The following KIRREL3 variants were observed in gnomAD, a reference collection of about 807,000 sequenced individuals.
KIRREL3 encodes the protein kin of IRRE-like protein 3.
A neutral mutation model predicts 89.7 loss-of-function variants in KIRREL3; 36 were observed. The ratio of observed to expected loss-of-function variants is 0.40; its 90% CI spans 0.31 to 0.53. The LOEUF (loss-of-function observed/expected upper bound fraction) is 0.53, where lower values mean the gene tolerates loss of function less well. KIRREL3 is among the 20% of genes least tolerant of loss of function. KIRREL3 has a pLI of 0.49. For missense variants in KIRREL3, 864 were observed against 1,056.6 expected (o/e 0.82, Z 2.53); for synonymous variants, 445 against 441.4 (o/e 1.01, Z -0.10).
rs908066239 is a variant in KIRREL3 at position 126,723,158 on chromosome 11, G to A, written c.56-160246C>T. Among the ~76,000 whole-genome samples, 10 of 152,086 alleles carry A rather than the reference G, an allele frequency of 6.6e-5. No homozygotes were observed. Among genetic ancestry groups the A allele is most frequent in the Non-Finnish European group, 1.2e-4 (8 of 68,028 alleles). On this transcript the variant is annotated intron_variant, in intron 1 of 16. Coordinates refer to ENST00000525144, the MANE Select transcript of KIRREL3 (RefSeq NM_032531.4). This position sits in a 1 kb window ranked among gnomAD's most constrained non-coding sequence, Gnocchi z 4.0. ...TGTGGTTTGTTCGTCTCCGTCCCAG[G>A]CATCTATCTCAGAGCCTGCAGCCCT...
At chr11:126,458,378 G>A (rs1370335808) in intron 6 of KIRREL3, among the ~76,000 whole-genome samples, 1 of 152,110 alleles carries the variant, frequency 6.6e-6, no homozygotes, top group Non-Finnish European at 1.5e-5. Flanking sequence ...GCTCTGGTTG[G>A]GACTACGGTG....
chr11:126,819,243 A>G (rs915482311), intron 1 of KIRREL3, among the ~76,000 whole-genome samples: 2 of 152,138 alleles, frequency 1.3e-5, no homozygotes, highest in East Asian at 3.9e-4. Flanking sequence ...CCCTGAGAGC[A>G]TCTCGCAGGA....
At position 126,993,387 on chromosome 11, in the gene KIRREL3, T is replaced by G. The variant is rs1051852307; in HGVS notation, c.55+7068A>C. Among the ~76,000 whole-genome samples the G allele has an allele frequency of 1.3e-5, 2 of 152,218 alleles. No individual in the cohort carries two copies. Among genetic ancestry groups the G allele is most frequent in the African/African-American group, 4.8e-5 (2 of 41,450 alleles). On this transcript the variant is annotated intron_variant, in intron 1 of 16. Transcript: ENST00000525144. The surrounding 1 kb of genome is among the most constrained non-coding windows in gnomAD (Gnocchi z 6.1). ...TCGCATTCTGTTCTGCCTTTTGTAT[T>G]TGCATACACTGTAAGGTATGTAAGA...
chr11:126,943,399 T>C lies in KIRREL3; in HGVS notation c.55+57056A>G, dbSNP rs1427279744. Among the ~76,000 whole-genome samples, 1 of 152,186 alleles carries C rather than the reference T, an allele frequency of 6.6e-6. No homozygotes were observed. The highest frequency in any genetic ancestry group is 1.5e-5 in the Non-Finnish European group (1 of 68,034). On this transcript the variant is annotated intron_variant, in intron 1 of 16. Coordinates refer to ENST00000525144, the MANE Select transcript of KIRREL3 (RefSeq NM_032531.4). The surrounding 1 kb of genome is among the most constrained non-coding windows in gnomAD (Gnocchi z 4.2). ...CCCTCCTCGGAACAATCTGATACCA[T>C]TATCACTGACATCATCAAAAGAAGT...
intron 1 of KIRREL3, among the ~76,000 whole-genome samples, chr11:126,988,296 G>T (rs1438579730): frequency 2.0e-5 from 3 of 152,172 alleles, no homozygotes; most frequent in Non-Finnish European, 4.4e-5. Context: ...GAGAGCAGTC[G>T]CTAGCCATGG....
intron 1 of KIRREL3, among the ~76,000 whole-genome samples, chr11:126,998,854 C>T (rs982619927): frequency 1.3e-5 from 2 of 151,914 alleles, no homozygotes; most frequent in African/African-American, 4.8e-5. Flanking sequence ...AGATTCCCTC[C>T]TTCTCAGGGG....
At chr11:126,671,996 T>C (rs927504604) in intron 1 of KIRREL3, among the ~76,000 whole-genome samples, 2 of 152,218 alleles carry the variant, frequency 1.3e-5, no homozygotes, top group Admixed American at 6.5e-5. Context: ...TACCTTTACT[T>C]GCAATCATCA....
chr11:126,980,097 A>G (rs1025031643), intron 1 of KIRREL3, among the ~76,000 whole-genome samples: 1 of 152,218 alleles, frequency 6.6e-6, no homozygotes, highest in African/African-American at 2.4e-5. Context: ...GGAAACAGGA[A>G]ATCACTACAC....
At position 126,528,417 on chromosome 11, in the gene KIRREL3, T is replaced by C. The variant is rs1309245212; in HGVS notation, c.134-1730A>G. ...GCTTGGATGGCAGCAGAGCTTGGGG[T>C]GGAGGCTCCCCAGAAGGAGGGGTGC... is the stretch of plus-strand genomic sequence containing the variant. On this transcript the variant is annotated intron_variant, in intron 2 of 16. Transcript: ENST00000525144. The surrounding 1 kb of genome is among the most constrained non-coding windows in gnomAD (Gnocchi z 4.6). Among the ~76,000 whole-genome samples, 1 of 151,992 alleles carries C rather than the reference T, an allele frequency of 6.6e-6. No homozygotes were observed. The highest frequency in any genetic ancestry group is 1.5e-5 in the Non-Finnish European group (1 of 67,968).
intron 1 of KIRREL3, among the ~76,000 whole-genome samples, chr11:126,835,169 C>T (rs1036090216): frequency 2.0e-5 from 3 of 152,166 alleles, no homozygotes; most frequent in Non-Finnish European, 4.4e-5. Context: ...CAATTCAAAA[C>T]AAAGAAGAGC....
intron 1 of KIRREL3, among the ~76,000 whole-genome samples, chr11:126,964,588 G>A (rs957031679): frequency 6.6e-6 from 1 of 152,074 alleles, no homozygotes; most frequent in East Asian, 1.9e-4. Flanking sequence ...ATGCCCAGGG[G>A]TACACCCAGC....
chr11:126,874,056 C>G (rs952350241), intron 1 of KIRREL3, among the ~76,000 whole-genome samples: 2 of 152,278 alleles, frequency 1.3e-5, no homozygotes, highest in Admixed American at 1.3e-4. Flanking sequence ...ATCTGATGTA[C>G]TAAGGTGATG....
chr11:126,570,366 T>G lies in KIRREL3; in HGVS notation c.56-7454A>C, dbSNP rs1172177556. On this transcript the variant is annotated intron_variant, in intron 1 of 16. Coordinates refer to ENST00000525144, the MANE Select transcript of KIRREL3 (RefSeq NM_032531.4). This position sits in a 1 kb window ranked among gnomAD's most constrained non-coding sequence, Gnocchi z 6.1. ...ATTAACTATGCTATTACATACCAAT[T>G]AAATTCATATAAGAGGAATCTGAAA... Among the ~76,000 whole-genome samples, 3 of 152,250 alleles carry G rather than the reference T, an allele frequency of 2.0e-5. No homozygotes were observed. The highest frequency in any genetic ancestry group is 4.4e-5 in the Non-Finnish European group (3 of 68,048).
At chr11:126,577,072 C>T (rs780740539) in intron 1 of KIRREL3, among the ~76,000 whole-genome samples, 4 of 152,092 alleles carry the variant, frequency 2.6e-5, no homozygotes, top group Non-Finnish European at 5.9e-5. Context: ...GCTCAGTCCA[C>T]GTGGAAGGAA....
At chr11:126,714,158 C>A (rs1299637250) in intron 1 of KIRREL3, among the ~76,000 whole-genome samples, 1 of 152,178 alleles carries the variant, frequency 6.6e-6, no homozygotes, top group East Asian at 1.9e-4. Flanking sequence ...CAGTGCCTCC[C>A]TCAATTTTGT....
chr11:126,471,868 G>A lies in KIRREL3; in HGVS notation c.591+1441C>T, dbSNP rs1002550543. 3.9e-5 allele frequency among the ~76,000 whole-genome samples: 6 copies of A among 152,290 alleles called. No homozygotes were observed. Among genetic ancestry groups the A allele is most frequent in the East Asian group, 3.9e-4 (2 of 5,190 alleles). ...AACATTTTAAAGACACAATTAATAC[G>A]GGGGCCAGTTCAGGGTGCTTCCAGC... On this transcript the variant is annotated intron_variant, in intron 5 of 16. Transcript: ENST00000525144. This position sits in a 1 kb window ranked among gnomAD's most constrained non-coding sequence, Gnocchi z 5.4.
At chr11:126,827,195 T>G (rs969607988) in intron 1 of KIRREL3, among the ~76,000 whole-genome samples, 8 of 152,020 alleles carry the variant, frequency 5.3e-5, no homozygotes, top group Admixed American at 2.6e-4. Context: ...TTTTTTTTCT[T>G]GAGATGGAGT....
rs991004496 is a variant in KIRREL3, at chr11:126,603,812, T to C, written c.56-40900A>G. ...GACCAGGGTTTCTGATGGGAAGGGA[T>C]GTATGGGAGAAGCCAGGGAGTGGAG... On this transcript the variant is annotated intron_variant, in intron 1 of 16. Transcript: ENST00000525144. 2.0e-5 allele frequency among the ~76,000 whole-genome samples: 3 copies of C among 152,176 alleles called. No individual in the cohort carries two copies. The East Asian group carries it at 5.8e-4, about 29-fold the overall frequency.
chr11:126,860,579 G>C lies in KIRREL3; in HGVS notation c.55+139876C>G, dbSNP rs1209494846. On this transcript the variant is annotated intron_variant, in intron 1 of 16. Coordinates refer to ENST00000525144, the MANE Select transcript of KIRREL3 (RefSeq NM_032531.4). This position sits in a 1 kb window ranked among gnomAD's most constrained non-coding sequence, Gnocchi z 4.6. ...AGGCGGCGTGGAGGCAGAGGGGCCA[G>C]GCAGCCAAAGGCCTTGGATTAGGGC... Among the ~76,000 whole-genome samples, 1 of 152,186 alleles carries C rather than the reference G, an allele frequency of 6.6e-6. No individual in the cohort carries two copies. The highest frequency in any genetic ancestry group is 1.5e-5 in the Non-Finnish European group (1 of 68,032).
Sources: allele counts gnomAD v4.1 joint callset (sites outside exome capture counted in the v4.1 genomes callset), GRCh38; gene constraint gnomAD v4.1.1; non-coding constraint Gnocchi (gnomAD v3.1); transcripts MANE v1.5; gene names NCBI Gene and HGNC (gene_info 2026-07-23, HGNC 2026-07-21).